Variants in ADAMTS17 observed in about 807,000 individuals in gnomAD.
ADAMTS17 encodes ADAM metallopeptidase with thrombospondin type 1 motif 17, also known as A disintegrin and metalloproteinase with thrombospondin motifs 17.
ADAMTS17 carries 113 observed loss-of-function variants against 141.5 expected under a neutral mutation model. That is an observed-to-expected ratio of 0.80 (90% confidence interval 0.69 to 0.93). The LOEUF is 0.93. ADAMTS17 is among the 40% of genes least tolerant of loss of function. The pLI is 0.00. For synonymous variants in ADAMTS17, 768 were observed against 630.6 expected (o/e 1.22, Z -3.27); for missense variants, 1,659 against 1,517.9 (o/e 1.09, Z -1.54).
intron 12 of ADAMTS17, among the ~76,000 whole-genome samples, chr15:100,127,678 T>TA (rs1324514165): frequency 1.3e-5 from 2 of 152,166 alleles, no homozygotes; most frequent in African/African-American, 4.8e-5. Context: ...ACCTCCCGGG[T>TA]ACAAGCGATT....
chr15:100,065,064 T>C (rs1216919691), intron 15 of ADAMTS17, among the ~76,000 whole-genome samples: 1 of 152,164 alleles, frequency 6.6e-6, no homozygotes, highest in African/African-American at 2.4e-5. Context: ...TATTCATTCA[T>C]TTTCTCACAA....
At chr15:100,137,032 T>C (rs1552101) in intron 10 of ADAMTS17, among the ~76,000 whole-genome samples, 108,163 of 152,132 alleles carry the variant, frequency 0.71, 38,936 homozygotes, top group East Asian at 0.91. Flanking sequence ...CAACTAAACG[T>C]TTGCTCAAGT....
chr15:100,288,770 A>C (rs1262051925), intron 3 of ADAMTS17, among the ~76,000 whole-genome samples: 1 of 152,236 alleles, frequency 6.6e-6, no homozygotes, highest in Non-Finnish European at 1.5e-5. Flanking sequence ...GAAACAGTGA[A>C]ATTAAGGCAG....
chr15:100,219,299 A>G (rs1567375261), intron 7 of ADAMTS17, among the ~76,000 whole-genome samples: 1 of 152,218 alleles, frequency 6.6e-6, no homozygotes, highest in Non-Finnish European at 1.5e-5. Context: ...TTCTATAAAT[A>G]TACTAAAAAC....
chr15:100,037,180 A>G (rs74426146), intron 18 of ADAMTS17, among the ~76,000 whole-genome samples: 7,005 of 152,270 alleles, frequency 0.046, 332 homozygotes, highest in African/African-American at 0.12. Flanking sequence ...ATCCCAGAGT[A>G]TGAAAGTCCT....
rs886050971 is a variant in ADAMTS17 at position 99,974,291 on chromosome 15, G to A, written c.*111C>T. 38 of 1,417,792 alleles carry A rather than the reference G, an allele frequency of 2.7e-5. No homozygotes were observed. The East Asian group carries it at 8.4e-4, about 31-fold the overall frequency. The allele number at this position is 1,417,792 out of a possible 1,614,324, so 87.8% of individuals were successfully genotyped here. The stretch of plus-strand genomic sequence containing the variant: ...CAAGTCCACGCTCATGTTCTATGTA[G>A]TTGGATTCTTGTGGCAGCCGGGTGG... On this transcript the variant is annotated 3_prime_UTR_variant, in exon 22 of 22. Coordinates refer to ENST00000268070, the MANE Select transcript of ADAMTS17 (RefSeq NM_139057.4).
chr15:100,312,988 T>G (rs539277362), intron 3 of ADAMTS17, among the ~76,000 whole-genome samples: 27 of 152,252 alleles, frequency 1.8e-4, no homozygotes, highest in Admixed American at 1.6e-3. Context: ...CATACAAAGC[T>G]TAAACAGATC....
intron 7 of ADAMTS17, among the ~76,000 whole-genome samples, chr15:100,226,917 T>G (rs2042329244): frequency 6.6e-6 from 1 of 152,210 alleles, no homozygotes; most frequent in Non-Finnish European, 1.5e-5. Flanking sequence ...AATGACAATT[T>G]CATGTGAGTC....
At chr15:100,285,257 G>T (rs117442013) in intron 3 of ADAMTS17, among the ~76,000 whole-genome samples, 1,701 of 152,284 alleles carry the variant, frequency 0.011, 15 homozygotes, top group Non-Finnish European at 0.017. Context: ...GACAGAAATG[G>T]ACTTTTAGAA....
At chr15:99,977,267 A>G (rs1271659814) in intron 20 of ADAMTS17, among the ~76,000 whole-genome samples, 3 of 148,498 alleles carry the variant, frequency 2.0e-5, no homozygotes, top group East Asian at 2.0e-4. Flanking sequence ...AACCTGGTCA[A>G]CATAGTTGAG....
At chr15:99,994,452 T>TAAA (rs113195908) in intron 19 of ADAMTS17, among the ~76,000 whole-genome samples, 3 of 141,392 alleles carry the variant, frequency 2.1e-5, no homozygotes, top group East Asian at 2.0e-4. Flanking sequence ...CCCAATCTCT[T>TAAA]AAAAAAAAAA....
chr15:100,048,407 C>G (rs573755154), intron 18 of ADAMTS17, among the ~76,000 whole-genome samples: 7 of 134,194 alleles, frequency 5.2e-5, no homozygotes, highest in African/African-American at 1.1e-4. Flanking sequence ...TGATGGATCC[C>G]GAAGAATAAA....
chr15:100,161,888 G>C (rs1470680506), intron 8 of ADAMTS17, among the ~76,000 whole-genome samples: 1 of 152,190 alleles, frequency 6.6e-6, no homozygotes, highest in East Asian at 1.9e-4. Context: ...CTGCGGAGAA[G>C]GTATTTGTTT....
At chr15:100,330,786 G>A in intron 3 of ADAMTS17, 103 bp downstream of exon 3, 1 of 1,434,842 alleles carries the variant, frequency 7.0e-7, no homozygotes, top group East Asian at 2.3e-5. Context: ...AAATATAGGG[G>A]AAGGTAAGTT....
chr15:100,341,232 G>C lies in ADAMTS17; in HGVS notation c.257C>G (p.Pro86Arg), dbSNP rs972916449. The C allele has an allele frequency of 4.2e-6, 6 of 1,429,574 alleles. No homozygotes were observed. The African/African-American group carries it at 6.0e-5, about 14-fold the overall frequency. 88.6% of individuals were successfully genotyped at this position (1,429,574 alleles called of 1,614,324 possible). Residue 86 changes from proline (P) to arginine (R), a missense_variant, in exon 2 of 22, where the codon CCG becomes CGG. By Grantham distance (103) the Pro-to-Arg change is moderately radical. Coordinates refer to ENST00000268070, the MANE Select transcript of ADAMTS17 (RefSeq NM_139057.4). The part of the protein sequence containing the change: ...PGERALLLHL[P>R]AFGRDLYLQL... Reference sequence around the variant, plus strand: ...AAGGTACAGGTCGCGCCCGAAGGCCGGCAGGTGCAGCAGCAGGGCGCGCTC... The same window carrying C: ...AAGGTACAGGTCGCGCCCGAAGGCCCGCAGGTGCAGCAGCAGGGCGCGCTC...
chr15:100,021,225 G>T (rs971576756), intron 18 of ADAMTS17, among the ~76,000 whole-genome samples: 1 of 152,174 alleles, frequency 6.6e-6, no homozygotes, highest in East Asian at 1.9e-4. Context: ...GGTTCTGGGT[G>T]GGTGTGCGTG....
At chr15:100,169,320 C>A (rs770560248) in intron 8 of ADAMTS17, among the ~76,000 whole-genome samples, 3 of 152,190 alleles carry the variant, frequency 2.0e-5, no homozygotes. Flanking sequence ...CACCCCTCAA[C>A]ACAGATGCTA....
intron 3 of ADAMTS17, among the ~76,000 whole-genome samples, chr15:100,307,640 C>G (rs2045269119): frequency 6.6e-6 from 1 of 152,186 alleles, no homozygotes; most frequent in African/African-American, 2.4e-5. Context: ...TCATGTTTAT[C>G]CAGCTGTAAT....
chr15:100,089,681 A>G (rs1326711541), intron 15 of ADAMTS17, among the ~76,000 whole-genome samples: 3 of 152,008 alleles, frequency 2.0e-5, no homozygotes, highest in African/African-American at 7.3e-5. Context: ...TGTCCTTTGT[A>G]GGGACATGGA....
Sources: gnomAD v4.1 joint callset for allele counts (sites outside exome capture counted in the v4.1 genomes callset) on GRCh38, gnomAD v4.1.1 for gene constraint, MANE v1.5 for transcripts, NCBI Gene and HGNC (gene_info 2026-07-23, HGNC 2026-07-21) for gene names.